SCAMP4: variants seen among roughly 807,000 people sequenced by gnomAD.
SCAMP4 encodes the protein secretory carrier membrane protein 4.
Under a neutral mutation model 32.1 loss-of-function variants are expected in SCAMP4, and 19 were observed. That is an observed-to-expected ratio of 0.59 (90% CI 0.41 to 0.87). The LOEUF is 0.87. Ranked by LOEUF, SCAMP4 falls within the 40% of genes least tolerant of loss-of-function variation. SCAMP4 has a pLI of 0.00. For synonymous variants in SCAMP4, 152 were observed against 132.7 expected (o/e 1.15, Z -1.00); for missense variants, 302 against 309.0 (o/e 0.98, Z 0.17).
chr19:1,906,976 AG>A (rs1599228262), intron 1 of SCAMP4: 1 of 151,990 alleles, frequency 6.6e-6, no homozygotes, highest in Non-Finnish European at 1.5e-5. Flanking sequence ...TCACAAGGTC[AG>A]GAGTTCGAGA....
rs969889370 is a variant in SCAMP4 at position 1,924,776 on chromosome 19, G to A, written c.*492G>A. 1.2e-4 allele frequency: 23 copies of A among 194,146 alleles called. No homozygotes were observed. Among genetic ancestry groups the A allele is most frequent in the Middle Eastern group, 2.4e-3 (1 of 416 alleles). The allele number at this position is 194,146 out of a possible 1,614,324, so 12.0% of individuals were successfully genotyped here. On this transcript the variant is annotated 3_prime_UTR_variant, in exon 7 of 7. Transcript: ENST00000316097. ...ATAAGAGGCGTCGGGGCCAGCTTCC[G>A]GTCCCCTGCAGTGATAGAGGGCTTG...
intron 2 of SCAMP4, among the ~76,000 whole-genome samples, chr19:1,916,051 C>G (rs1216406467): frequency 6.6e-6 from 1 of 151,656 alleles, no homozygotes. Flanking sequence ...TGAGACCAGC[C>G]TGGACAGCAT....
At chr19:1,909,729 C>G (rs962286941) in intron 1 of SCAMP4, among the ~76,000 whole-genome samples, 1 of 152,184 alleles carries the variant, frequency 6.6e-6, no homozygotes, top group Non-Finnish European at 1.5e-5. Flanking sequence ...GTGATCCCAG[C>G]TCTTCCCGCA....
chr19:1,922,832 G>A (rs1353483382), intron 5 of SCAMP4: 11 of 1,228,524 alleles, frequency 9.0e-6, no homozygotes, highest in Non-Finnish European at 1.0e-5. Flanking sequence ...CGAAGTTTGT[G>A]TCCACTGCAC....
chr19:1,919,156 C>G lies in SCAMP4; in HGVS notation c.395+166C>G. The G allele has an allele frequency of 3.5e-6, 5 of 1,444,068 alleles. No homozygotes were observed. In the South Asian group the frequency reaches 7.2e-5, roughly 21 times the overall value. The allele number at this position is 1,444,068 out of a possible 1,614,324, so 89.5% of individuals were successfully genotyped here. A position where few individuals can be genotyped will look rare whatever the true frequency, so the allele number is the denominator to read the frequency against. ...CTGGCAGCGCCCGCGTCCTCGCCAG[C>G]GCCCGCGTCCTCGCCAGCACCCAGC... On this transcript the variant is annotated intron_variant, in intron 5 of 6. Coordinates refer to ENST00000316097, the MANE Select transcript of SCAMP4 (RefSeq NM_079834.4).
At chr19:1,910,600 CAG>C (rs1358474800) in intron 1 of SCAMP4, among the ~76,000 whole-genome samples, 3 of 123,554 alleles carry the variant, frequency 2.4e-5, no homozygotes, top group African/African-American at 9.3e-5. Context: ...TTTTTTGAGA[CAG>C]AGTCTCGCTC....
intron 1 of SCAMP4, 77 bp downstream of exon 1, chr19:1,905,516 G>T (rs1041686851): frequency 4.0e-5 from 15 of 378,232 alleles, no homozygotes; most frequent in South Asian, 1.8e-5. Flanking sequence ...TGACATGGGG[G>T]GTCTCGGCGG....
At position 1,923,770 on chromosome 19, in the gene SCAMP4, T is replaced by C. The variant is rs7251767; in HGVS notation, c.514-338T>C. 9.4e-3 allele frequency among the ~76,000 whole-genome samples: 1,126 copies of C among 120,344 alleles called. 91 individuals are homozygous for C. Among genetic ancestry groups the C allele is most frequent in the African/African-American group, 0.023 (687 of 29,312 alleles). 79.0% of individuals were successfully genotyped at this position (120,344 alleles called of 152,430 possible). On this transcript the variant is annotated intron_variant, in intron 6 of 6. Coordinates refer to ENST00000316097, the MANE Select transcript of SCAMP4 (RefSeq NM_079834.4). ...AGTAGCTGGGACTACAGGCGCCCGC[T>C]ACCGCACCTGGCTAATTATTTTGTT...
chr19:1,922,523 C>T (rs1379396051), intron 5 of SCAMP4: 2 of 985,206 alleles, frequency 2.0e-6, no homozygotes, highest in Non-Finnish European at 2.4e-6. Context: ...GCGTAAGCCT[C>T]TGCGCCCGGC....
At chr19:1,914,833 G>A (rs1468605163) in intron 1 of SCAMP4, 146 bp from the exon 2 acceptor site, 6 of 661,106 alleles carry the variant, frequency 9.1e-6, no homozygotes, top group African/African-American at 1.8e-5. Flanking sequence ...ACATTGGGTC[G>A]AGTCAGGCCT....
intron 1 of SCAMP4, chr19:1,912,326 G>T: frequency 6.5e-7 from 1 of 1,540,118 alleles, no homozygotes; most frequent in Non-Finnish European, 8.7e-7. Context: ...ACCTCAAGCG[G>T]GTGCGGCCCA....
At chr19:1,913,441 A>G (rs990633788) in intron 1 of SCAMP4, 1 of 535,064 alleles carries the variant, frequency 1.9e-6, no homozygotes, top group African/African-American at 2.0e-5. Context: ...AAACAGCCCA[A>G]AACCAAGTGG....
At chr19:1,909,885 C>T (rs924651775) in intron 1 of SCAMP4, among the ~76,000 whole-genome samples, 7 of 152,220 alleles carry the variant, frequency 4.6e-5, no homozygotes, top group Non-Finnish European at 5.9e-5. Context: ...GGAGGGGCTG[C>T]GCTCCGGGGC....
chr19:1,924,015 C>A, intron 6 of SCAMP4, 93 bp from the exon 7 acceptor site: 1 of 874,162 alleles, frequency 1.1e-6, no homozygotes, highest in Non-Finnish European at 1.7e-6. Context: ...CTGCCTCGGC[C>A]TCCCGAAGTG....
At chr19:1,909,410 C>A (rs527775732) in intron 1 of SCAMP4, among the ~76,000 whole-genome samples, 1 of 152,332 alleles carries the variant, frequency 6.6e-6, no homozygotes, top group South Asian at 2.1e-4. Flanking sequence ...CCCCACCAGC[C>A]CTTCCTCTCC....
intron 2 of SCAMP4, among the ~76,000 whole-genome samples, chr19:1,915,818 T>C (rs1599248184): frequency 6.6e-6 from 1 of 150,982 alleles, no homozygotes; most frequent in Non-Finnish European, 1.5e-5. Flanking sequence ...TGGTGGCGGG[T>C]GCCTGTAGTC....
At position 1,924,766 on chromosome 19, in the gene SCAMP4, G is replaced by A; in HGVS notation, c.*482G>A. The A allele has an allele frequency of 5.1e-6, 1 of 194,910 alleles. No individual in the cohort carries two copies. The highest frequency in any genetic ancestry group is 9.9e-5 in the South Asian group (1 of 10,104). 12.1% of individuals were successfully genotyped at this position (194,910 alleles called of 1,614,324 possible). A position where few individuals can be genotyped will look rare whatever the true frequency, so the allele number is the denominator to read the frequency against. On this transcript the variant is annotated 3_prime_UTR_variant, in exon 7 of 7. Transcript: ENST00000316097. ...GCCGGAACTAATAAGAGGCGTCGGGGCCAGCTTCCGGTCCCCTGCAGTGAT... is the reference window on the plus strand; with the variant it reads ...GCCGGAACTAATAAGAGGCGTCGGGACCAGCTTCCGGTCCCCTGCAGTGAT...
At chr19:1,917,255 G>A (rs1172309934) in intron 2 of SCAMP4, among the ~76,000 whole-genome samples, 2 of 152,190 alleles carry the variant, frequency 1.3e-5, no homozygotes, top group African/African-American at 2.4e-5. Context: ...GCAGTGAGCC[G>A]AGATCGCACC....
At chr19:1,912,467 C>A in intron 1 of SCAMP4, 1 of 1,504,084 alleles carries the variant, frequency 6.6e-7, no homozygotes, top group Admixed American at 2.1e-5. Flanking sequence ...GGCAACCCTT[C>A]CTGGTGCCCG....
Sources: allele counts gnomAD v4.1 joint callset (sites outside exome capture counted in the v4.1 genomes callset), GRCh38; gene constraint gnomAD v4.1.1; transcripts MANE v1.5; gene names NCBI Gene and HGNC (gene_info 2026-07-23, HGNC 2026-07-21).